MAN1A2: variants seen among roughly 807,000 people sequenced by gnomAD.
MAN1A2 encodes the protein mannosyl-oligosaccharide 1,2-alpha-mannosidase IB.
Under a neutral mutation model 75.7 loss-of-function variants are expected in MAN1A2, and 26 were observed. That is an observed-to-expected ratio of 0.34 (90% CI 0.25 to 0.48). The LOEUF is 0.48. Ranked by LOEUF, MAN1A2 falls within the 20% of genes least tolerant of loss-of-function variation. MAN1A2 has a pLI of 0.99. For missense variants in MAN1A2, 562 were observed against 775.5 expected (o/e 0.72, Z 3.27); for synonymous variants, 247 against 264.6 (o/e 0.93, Z 0.65).
At chr1:117,513,539 C>T (rs1361995249) in intron 12 of MAN1A2, among the ~76,000 whole-genome samples, 1 of 151,876 alleles carries the variant, frequency 6.6e-6, no homozygotes, top group Non-Finnish European at 1.5e-5. Context: ...GAATTGTTTA[C>T]CATTTGGCTA....
At chr1:117,434,002 G>T (rs1648764778) in intron 5 of MAN1A2, among the ~76,000 whole-genome samples, 1 of 152,176 alleles carries the variant, frequency 6.6e-6, no homozygotes. Context: ...TAGATGGAAT[G>T]GAGTTTCTTG....
At chr1:117,448,949 A>G (rs1649321829) in intron 6 of MAN1A2, among the ~76,000 whole-genome samples, 1 of 152,144 alleles carries the variant, frequency 6.6e-6, no homozygotes, top group Non-Finnish European at 1.5e-5. Context: ...TTCCAACAGC[A>G]TATATCACAT....
intron 8 of MAN1A2, among the ~76,000 whole-genome samples, chr1:117,480,976 C>G (rs1474992200): frequency 6.6e-6 from 1 of 151,810 alleles, no homozygotes; most frequent in Non-Finnish European, 1.5e-5. Context: ...CCCAGATGAC[C>G]TAAGTCAAGA....
At chr1:117,502,064 A>T (rs1651217993) in intron 11 of MAN1A2, among the ~76,000 whole-genome samples, 3 of 151,758 alleles carry the variant, frequency 2.0e-5, no homozygotes, top group Admixed American at 1.3e-4. Flanking sequence ...ATGCCCAAAG[A>T]TGCAAAAAGA....
At chr1:117,392,464 T>C (rs1027469652) in intron 1 of MAN1A2, among the ~76,000 whole-genome samples, 10 of 152,174 alleles carry the variant, frequency 6.6e-5, no homozygotes, top group African/African-American at 1.9e-4. Context: ...ATCTTACCTT[T>C]TCTATAGCTG....
rs561597981 is a variant in MAN1A2 at position 117,490,785 on chromosome 1, A to G, written c.1169-2362A>G. On this transcript the variant is annotated intron_variant, in intron 8 of 12. Coordinates refer to ENST00000356554, the MANE Select transcript of MAN1A2 (RefSeq NM_006699.5). ...GAAAAGTTCTTGAAGGAAATTAAAA[A>G]TGCTATGCCAGTGAACACATGAATA... Among the ~76,000 whole-genome samples, 10 of 152,228 alleles carry G rather than the reference A, an allele frequency of 6.6e-5. No homozygotes were observed. The South Asian group carries it at 1.9e-3, about 28-fold the overall frequency.
intron 4 of MAN1A2, among the ~76,000 whole-genome samples, chr1:117,416,293 A>G (rs139248537): frequency 1.3e-5 from 2 of 151,844 alleles, no homozygotes; most frequent in Non-Finnish European, 2.9e-5. Context: ...CTTAACTACA[A>G]TTTTTTTTAT....
chr1:117,493,244 G>A lies in MAN1A2; in HGVS notation c.1266G>A (p.Met422Ile). ...SDKTDHEARK[M>I]YDDAIEAIEK... The stretch of plus-strand genomic sequence containing the variant: ...AAACAGACCATGAGGCAAGAAAGAT[G>A]TATGATGATGCTATTGAGGTGATTA... Residue 422 changes from methionine (M) to isoleucine (I), a missense_variant, in exon 9 of 13, where the codon ATG becomes ATA. Physicochemically the swap from Met to Ile is conservative, Grantham distance 10 (BLOSUM62 1). This residue lies in a region of MAN1A2 where 434 missense variants were observed against 645.7 expected (regional missense o/e 0.67). Transcript: ENST00000356554. The A allele has an allele frequency of 1.2e-6, 2 of 1,605,512 alleles. No homozygotes were observed. Among genetic ancestry groups the A allele is most frequent in the Admixed American group, 3.3e-5 (2 of 59,890 alleles).
At chr1:117,402,771 G>A (rs979980872) in intron 2 of MAN1A2, among the ~76,000 whole-genome samples, 2 of 151,922 alleles carry the variant, frequency 1.3e-5, no homozygotes, top group Non-Finnish European at 2.9e-5. Context: ...TTTCTTAAAT[G>A]TTCAGTTACA....
chr1:117,375,547 C>T (rs1330911552), intron 1 of MAN1A2, among the ~76,000 whole-genome samples: 2 of 152,130 alleles, frequency 1.3e-5, no homozygotes, highest in Admixed American at 1.3e-4. Context: ...CTCTTGGCCT[C>T]CCCTTAGTGA....
chr1:117,424,699 C>G (rs1247866389), intron 5 of MAN1A2, among the ~76,000 whole-genome samples: 1 of 152,170 alleles, frequency 6.6e-6, no homozygotes, highest in African/African-American at 2.4e-5. Flanking sequence ...ACCCCATCCT[C>G]CATCTGCCTC....
At chr1:117,511,356 G>T (rs747384346) in intron 12 of MAN1A2, among the ~76,000 whole-genome samples, 1 of 152,006 alleles carries the variant, frequency 6.6e-6, no homozygotes, top group Non-Finnish European at 1.5e-5. Flanking sequence ...TTCTTGTTTG[G>T]TAGAGATGCG....
At chr1:117,473,628 T>C (rs1189129385) in intron 8 of MAN1A2, among the ~76,000 whole-genome samples, 1 of 152,048 alleles carries the variant, frequency 6.6e-6, no homozygotes, top group African/African-American at 2.4e-5. Flanking sequence ...CATTAGGCAC[T>C]TCACCACCAC....
intron 7 of MAN1A2, 68 bp from the exon 8 acceptor site, chr1:117,466,266 C>T: frequency 9.9e-7 from 1 of 1,006,542 alleles, no homozygotes. Flanking sequence ...AACACAAAGC[C>T]TACATTAAAA....
chr1:117,522,148 C>G (rs1651886739), intron 12 of MAN1A2, among the ~76,000 whole-genome samples: 1 of 151,780 alleles, frequency 6.6e-6, no homozygotes, highest in Admixed American at 6.6e-5. Context: ...ACTCATGTAA[C>G]CAAATACCAC....
chr1:117,387,995 C>G (rs959949181), intron 1 of MAN1A2, among the ~76,000 whole-genome samples: 12 of 149,512 alleles, frequency 8.0e-5, no homozygotes, highest in African/African-American at 3.0e-4. Context: ...ACCCCCTCCC[C>G]CTATCATCTC....
intron 5 of MAN1A2, among the ~76,000 whole-genome samples, chr1:117,438,266 A>G (rs1405135157): frequency 1.3e-5 from 2 of 151,380 alleles, no homozygotes; most frequent in Admixed American, 6.6e-5. Flanking sequence ...TTTAAAAAGT[A>G]AAAAAAAAAT....
chr1:117,410,037 A>G (rs944133632), intron 3 of MAN1A2, among the ~76,000 whole-genome samples: 2 of 151,968 alleles, frequency 1.3e-5, no homozygotes, highest in African/African-American at 4.8e-5. Context: ...ATTCTCATAT[A>G]TTTAAAATTA....
rs1312714159 is a variant in MAN1A2 at position 117,429,335 on chromosome 1, G to T, written c.855+8686G>T. On this transcript the variant is annotated intron_variant, in intron 5 of 12. Coordinates refer to ENST00000356554, the MANE Select transcript of MAN1A2 (RefSeq NM_006699.5). ...CTGTTGGGCACACCTCCCAGACGGGGTGGTGGCCGGGCAGAGGGGCTCCTC... is the reference window on the plus strand; with the variant it reads ...CTGTTGGGCACACCTCCCAGACGGGTTGGTGGCCGGGCAGAGGGGCTCCTC... Among the ~76,000 whole-genome samples the T allele has an allele frequency of 1.2e-3, 164 of 139,844 alleles. 4 individuals are homozygous for T. Among genetic ancestry groups the T allele is most frequent in the African/African-American group, 4.0e-3 (149 of 37,648 alleles). 91.7% of individuals were successfully genotyped at this position (139,844 alleles called of 152,430 possible). A position where few individuals can be genotyped will look rare whatever the true frequency, so the allele number is the denominator to read the frequency against.
Sources: allele counts gnomAD v4.1 joint callset (sites outside exome capture counted in the v4.1 genomes callset), GRCh38; gene constraint gnomAD v4.1.1; regional missense constraint gnomAD v4.1.1; transcripts MANE v1.5; gene names NCBI Gene and HGNC (gene_info 2026-07-23, HGNC 2026-07-21).